DACH1: variants seen among roughly 807,000 people sequenced by gnomAD.
DACH1 encodes dachshund family transcription factor 1, also known as dachshund homolog 1.
A neutral mutation model predicts 54.2 loss-of-function variants in DACH1; 12 were observed. That is an observed-to-expected ratio of 0.22 (90% CI 0.14 to 0.36). The LOEUF is 0.36. Among genes scored for constraint, DACH1 ranks in the 10% least tolerant of loss-of-function variants. The pLI, the probability that DACH1 is intolerant of heterozygous loss-of-function variation, is 1.00. For synonymous variants in DACH1, 386 were observed against 366.2 expected, an observed-to-expected ratio of 1.05 and a Z score of -0.62; for missense variants, 805 against 929.8, an observed-to-expected ratio of 0.87 and a Z score of 1.75.
chr13:71,747,227 A>G (rs1884636740), intron 1 of DACH1, among the ~76,000 whole-genome samples: 1 of 151,968 alleles, frequency 6.6e-6, no homozygotes, highest in Non-Finnish European at 1.5e-5. Context: ...TAGTCCACAC[A>G]CTGTAATGTA....
chr13:71,808,387 ATCTG>A (rs1248159540), intron 1 of DACH1, among the ~76,000 whole-genome samples: 1 of 152,126 alleles, frequency 6.6e-6, no homozygotes, highest in Non-Finnish European at 1.5e-5. Context: ...CAAATTAAAC[ATCTG>A]TCTGCAGAAT....
chr13:71,556,099 G>T (rs949888983), intron 6 of DACH1, among the ~76,000 whole-genome samples: 2 of 151,976 alleles, frequency 1.3e-5, no homozygotes, highest in African/African-American at 4.8e-5. Flanking sequence ...GTGGGAAGAA[G>T]GTACCCCTCC....
chr13:71,862,892 T>C (rs946271188), intron 1 of DACH1, among the ~76,000 whole-genome samples: 1 of 152,108 alleles, frequency 6.6e-6, no homozygotes, highest in Non-Finnish European at 1.5e-5. Flanking sequence ...ATATAAATTA[T>C]GATATGTGCA....
At chr13:71,779,282 CGTATATATACACATATATAT>C (rs1886262768) in intron 1 of DACH1, among the ~76,000 whole-genome samples, 1 of 92,332 alleles carries the variant, frequency 1.1e-5, no homozygotes, top group Non-Finnish European at 2.1e-5. Flanking sequence ...TACGTATATA[CGTATATATACACATATATAT>C]ATTTATATAC....
At chr13:71,843,682 A>T (rs553352706) in intron 1 of DACH1, among the ~76,000 whole-genome samples, 1 of 152,306 alleles carries the variant, frequency 6.6e-6, no homozygotes, top group East Asian at 1.9e-4. Context: ...ATTCTTCAAG[A>T]AGCTTTTCTT....
chr13:71,840,565 T>A (rs1455220936), intron 1 of DACH1, among the ~76,000 whole-genome samples: 1 of 152,202 alleles, frequency 6.6e-6, no homozygotes, highest in Non-Finnish European at 1.5e-5. Flanking sequence ...TTTTTTCACA[T>A]TCTCATTCTA....
intron 1 of DACH1, among the ~76,000 whole-genome samples, chr13:71,715,368 C>A (rs1327765437): frequency 1.3e-5 from 2 of 151,988 alleles, no homozygotes; most frequent in Non-Finnish European, 2.9e-5. Context: ...ATAAAATAGT[C>A]AAAGAAGCTA....
intron 2 of DACH1, among the ~76,000 whole-genome samples, chr13:71,671,076 T>G (rs1223202706): frequency 6.6e-6 from 1 of 152,046 alleles, no homozygotes; most frequent in African/African-American, 2.4e-5. Context: ...GTCATTGTTT[T>G]ATCATTTCTG....
At chr13:71,829,310 A>G (rs1287443129) in intron 1 of DACH1, among the ~76,000 whole-genome samples, 2 of 151,886 alleles carry the variant, frequency 1.3e-5, no homozygotes, top group Non-Finnish European at 2.9e-5. Context: ...AATAAATAAA[A>G]TCCTGATCTT....
intron 4 of DACH1, among the ~76,000 whole-genome samples, chr13:71,570,492 A>G (rs770940950): frequency 6.0e-4 from 91 of 152,284 alleles, no homozygotes; most frequent in Middle Eastern, 6.8e-3. Flanking sequence ...ATCATTCTCA[A>G]TTAGAGCCAT....
At chr13:71,516,747 C>T (rs1881188350) in intron 6 of DACH1, among the ~76,000 whole-genome samples, 1 of 151,810 alleles carries the variant, frequency 6.6e-6, no homozygotes, top group Non-Finnish European at 1.5e-5. Context: ...GCACTTGTAA[C>T]AGCTGGTGTT....
chr13:71,816,591 TACACAC>T lies in DACH1; in HGVS notation c.848+49325_848+49330del, dbSNP rs1232721128. Among the ~76,000 whole-genome samples, 29 of 101,346 alleles carry T rather than the reference TACACAC, an allele frequency of 2.9e-4. 1 individual carries two copies. The East Asian group carries it at 4.4e-3, about 15-fold the overall frequency. 66.5% of individuals were successfully genotyped at this position (101,346 alleles called of 152,430 possible). On this transcript the variant is annotated intron_variant, in intron 1 of 10. Coordinates refer to ENST00000613252, the MANE Select transcript of DACH1 (RefSeq NM_080759.6). Reference sequence around the variant, plus strand: ...GTGTATATATATACACGTATATATATACACACATATGTGTGTATATATATACACGTG... The same window carrying T: ...GTGTATATATATACACGTATATATATATATGTGTGTATATATATACACGTG...
At chr13:71,710,543 G>C (rs1218031198) in intron 1 of DACH1, among the ~76,000 whole-genome samples, 3 of 151,514 alleles carry the variant, frequency 2.0e-5, no homozygotes, top group African/African-American at 7.3e-5. Context: ...AAGAAAAACA[G>C]GATGGAAAAG....
chr13:71,465,649 T>C (rs1365577949), intron 10 of DACH1, among the ~76,000 whole-genome samples: 1 of 152,058 alleles, frequency 6.6e-6, no homozygotes, highest in Non-Finnish European at 1.5e-5. Context: ...TGAACCATCA[T>C]TTTTTTCACT....
intron 1 of DACH1, among the ~76,000 whole-genome samples, chr13:71,748,904 CTTTCTTTCTT>C (rs1566476933): frequency 2.5e-3 from 67 of 27,144 alleles, no homozygotes; most frequent in African/African-American, 5.1e-3. Context: ...CTTTCTCTTT[CTTTCTTTCTT>C]TCTTTCTTTC....
At chr13:71,788,471 C>T (rs185762723) in intron 1 of DACH1, among the ~76,000 whole-genome samples, 26 of 151,846 alleles carry the variant, frequency 1.7e-4, no homozygotes, top group Non-Finnish European at 2.1e-4. Context: ...TAACATATAA[C>T]GAATCAAATA....
chr13:71,779,302 T>TAC (rs371329530), intron 1 of DACH1, among the ~76,000 whole-genome samples: 935 of 64,224 alleles, frequency 0.015, 87 homozygotes, highest in African/African-American at 0.088. Context: ...CACATATATA[T>TAC]ATTTATATAC....
At chr13:71,634,778 T>C (rs1233192595) in intron 2 of DACH1, among the ~76,000 whole-genome samples, 3 of 152,190 alleles carry the variant, frequency 2.0e-5, no homozygotes, top group South Asian at 4.1e-4. Context: ...GAGTCACCCA[T>C]GGAGTTTTAA....
intron 6 of DACH1, among the ~76,000 whole-genome samples, chr13:71,519,619 C>A (rs1593826246): frequency 6.6e-6 from 1 of 151,358 alleles, no homozygotes; most frequent in East Asian, 2.0e-4. Context: ...TTCCCTGAAT[C>A]CAGAGCTCAT....
Sources: allele counts gnomAD v4.1 joint callset (sites outside exome capture counted in the v4.1 genomes callset), GRCh38; gene constraint gnomAD v4.1.1; transcripts MANE v1.5; gene names NCBI Gene and HGNC (gene_info 2026-07-23, HGNC 2026-07-21).